The following CHIC1 variants were observed in gnomAD, a reference collection of about 807,000 sequenced individuals.
CHIC1 encodes the protein cysteine rich hydrophobic domain 1, also known as cysteine-rich hydrophobic domain-containing protein 1.
In CHIC1, 7 loss-of-function variants were observed where a neutral mutation model predicts 18.5. The ratio of observed to expected loss-of-function variants is 0.38; its 90% CI spans 0.22 to 0.71. CHIC1 has a LOEUF of 0.71. Ranked by LOEUF, CHIC1 falls within the 30% of genes least tolerant of loss-of-function variation. The pLI is 0.49. For synonymous variants in CHIC1, 77 were observed against 73.5 expected (o/e 1.05, Z -0.25); for missense variants, 159 against 176.9 (o/e 0.90, Z 0.57).
intron 1 of CHIC1, among the ~76,000 whole-genome samples, chrX:73,573,541 TCCAA>T (rs2057481354): frequency 9.0e-6 from 1 of 111,666 alleles, no homozygotes; most frequent in Admixed American, 9.5e-5. Flanking sequence ...TGTTGATTCT[TCCAA>T]TCCGTAAGCG....
At chrX:73,667,675 G>A (rs1188446856) in intron 3 of CHIC1, among the ~76,000 whole-genome samples, 4 of 111,214 alleles carry the variant, frequency 3.6e-5, no homozygotes, top group Non-Finnish European at 7.5e-5. Flanking sequence ...TTGAATATTG[G>A]CCCCTGATTT....
At chrX:73,598,144 G>A (rs2057620567) in intron 3 of CHIC1, among the ~76,000 whole-genome samples, 1 of 110,619 alleles carries the variant, frequency 9.0e-6, no homozygotes, top group African/African-American at 3.3e-5. Flanking sequence ...CCAGTAATGG[G>A]ATCGCTGGGT....
At position 73,607,272 on chromosome X, in the gene CHIC1, T is replaced by C. The variant is rs958239434; in HGVS notation, c.507+22700T>C. On this transcript the variant is annotated intron_variant, in intron 3 of 5. Transcript: ENST00000373502. ...GAGTTCAAATTTCCTGGCAGGTTTG[T>C]TTACGCTGTGAGGGTAAAACTGTCT... Among the ~76,000 whole-genome samples, 10 of 108,337 alleles carry C rather than the reference T, an allele frequency of 9.2e-5. 1 individual carries two copies. Among genetic ancestry groups the C allele is most frequent in the African/African-American group, 3.6e-4 (10 of 27,817 alleles). 94.1% of individuals were successfully genotyped at this position (108,337 alleles called of 115,157 possible). A position where few individuals can be genotyped will look rare whatever the true frequency, so the allele number is the denominator to read the frequency against.
Position 73,684,647 on chromosome X carries a change from A to C in CHIC1, c.*3642A>C, listed in dbSNP as rs1178673860. The C allele has an allele frequency of 9.0e-6, 1 of 111,533 alleles. No homozygotes were observed. Among genetic ancestry groups the C allele is most frequent in the Non-Finnish European group, 1.9e-5 (1 of 52,895 alleles). 9.2% of individuals were successfully genotyped at this position (111,533 alleles called of 1,213,427 possible). ...TTTGCTAATTTGATTATAAGTGCTC[A>C]AATTTATTGAAATTAGATTCTCATG... On this transcript the variant is annotated 3_prime_UTR_variant, in exon 6 of 6. Transcript: ENST00000373502.
At chrX:73,679,250 C>G in intron 3 of CHIC1, 76 bp from the exon 4 acceptor site, 1 of 623,862 alleles carries the variant, frequency 1.6e-6, no homozygotes, top group South Asian at 2.7e-5. Context: ...TACAAGTAGG[C>G]AGAAAAATAT....
At chrX:73,659,817 C>G (rs1460568682) in intron 3 of CHIC1, among the ~76,000 whole-genome samples, 1 of 111,363 alleles carries the variant, frequency 9.0e-6, no homozygotes, top group Non-Finnish European at 1.9e-5. Context: ...CTAAGATGTC[C>G]CAGGCACCAT....
Position 73,563,523 on chromosome X carries a change from A to C in CHIC1, c.239A>C (p.His80Pro). 1 of 1,152,233 alleles carries C rather than the reference A, an allele frequency of 8.7e-7. No individual in the cohort carries two copies. Among genetic ancestry groups the C allele is most frequent in the Non-Finnish European group, 1.2e-6 (1 of 864,839 alleles). The allele number at this position is 1,152,233 out of a possible 1,213,427, so 95.0% of individuals were successfully genotyped here. The change falls in exon 1 of 6, where the codon CAT becomes CCT. Residue 80 changes from histidine to proline, a missense_variant. Coordinates refer to ENST00000373502, the MANE Select transcript of CHIC1 (RefSeq NM_001039840.4). ...PPPPRVVSEE[H>P]LRRYAPDPVL... ...CCGCCTCGGGTAGTGAGCGAGGAGC[A>C]TCTGCGGAGATATGCTCCCGACCCT...
rs2057580941 is a variant in CHIC1 at position 73,591,342 on chromosome X, C to G, written c.507+6770C>G. On this transcript the variant is annotated intron_variant, in intron 3 of 5. Transcript: ENST00000373502. ...GCTTAGTGGCCTCCAAATTCCCTCA[C>G]TCACCAATTTCTGGAGGAGACTCTA... Among the ~76,000 whole-genome samples, 5 of 110,364 alleles carry G rather than the reference C, an allele frequency of 4.5e-5. No homozygotes were observed. In the South Asian group the frequency reaches 2.0e-3, roughly 43 times the overall value.
chrX:73,674,767 C>G (rs1298076292), intron 3 of CHIC1, among the ~76,000 whole-genome samples: 1 of 110,097 alleles, frequency 9.1e-6, no homozygotes, highest in Non-Finnish European at 1.9e-5. Flanking sequence ...TATTTCTTGC[C>G]TTCTGCTAGC....
At chrX:73,581,241 TAG>T (rs1189462919) in intron 2 of CHIC1, among the ~76,000 whole-genome samples, 1 of 110,889 alleles carries the variant, frequency 9.0e-6, no homozygotes, top group Non-Finnish European at 1.9e-5. Flanking sequence ...GCGGTTTGCT[TAG>T]AGTTTCTTCT....
chrX:73,583,977 C>G (rs1273117122), intron 2 of CHIC1, among the ~76,000 whole-genome samples: 1 of 110,649 alleles, frequency 9.0e-6, no homozygotes, highest in African/African-American at 3.3e-5. Flanking sequence ...CAAAGTAATC[C>G]AGGAGTATTG....
At chrX:73,600,064 G>C (rs2057635819) in intron 3 of CHIC1, among the ~76,000 whole-genome samples, 2 of 102,713 alleles carry the variant, frequency 1.9e-5, no homozygotes, top group Non-Finnish European at 3.9e-5. Context: ...TTGTAAGTTG[G>C]ATTCCTAGGT....
chrX:73,615,399 G>A (rs897100081), intron 3 of CHIC1, among the ~76,000 whole-genome samples: 2 of 111,662 alleles, frequency 1.8e-5, no homozygotes, highest in African/African-American at 6.5e-5. Context: ...GGGGGTAGTG[G>A]ACGTGGCAAA....
chrX:73,636,616 C>G (rs886765621), intron 3 of CHIC1, among the ~76,000 whole-genome samples: 1 of 110,240 alleles, frequency 9.1e-6, no homozygotes, highest in Non-Finnish European at 1.9e-5. Flanking sequence ...CTACCATTTT[C>G]TGTTTAGTTC....
chrX:73,676,285 C>G (rs1290660400), intron 3 of CHIC1, among the ~76,000 whole-genome samples: 2 of 111,843 alleles, frequency 1.8e-5, no homozygotes, highest in African/African-American at 3.2e-5. Context: ...GCCTACCTTG[C>G]TAGATTGGAG....
chrX:73,581,537 T>G lies in CHIC1; in HGVS notation c.352-2880T>G, dbSNP rs1021955327. The stretch of plus-strand genomic sequence containing the variant: ...AATTGAGTTTACTAATTCTCACTTC[T>G]TATGTCTTTAGCTCTGTTTTATGAC... On this transcript the variant is annotated intron_variant, in intron 2 of 5. Coordinates refer to ENST00000373502, the MANE Select transcript of CHIC1 (RefSeq NM_001039840.4). 6.3e-5 allele frequency among the ~76,000 whole-genome samples: 7 copies of G among 111,087 alleles called. No homozygotes were observed. The Admixed American group carries it at 6.7e-4, about 11-fold the overall frequency.
chrX:73,572,895 G>T (rs768418585), intron 1 of CHIC1, among the ~76,000 whole-genome samples: 2 of 110,907 alleles, frequency 1.8e-5, no homozygotes, highest in Non-Finnish European at 3.8e-5. Context: ...CTCCCATTCT[G>T]TATGTTGTCT....
intron 3 of CHIC1, among the ~76,000 whole-genome samples, chrX:73,627,835 T>G (rs2057790582): frequency 9.0e-6 from 1 of 111,697 alleles, no homozygotes; most frequent in Admixed American, 9.5e-5. Context: ...AAGTCTTCTT[T>G]ACTTTGCCCT....
chrX:73,661,108 TG>T (rs2057977938), intron 3 of CHIC1, among the ~76,000 whole-genome samples: 2 of 111,707 alleles, frequency 1.8e-5, no homozygotes, highest in South Asian at 7.6e-4. Context: ...ATGTTCCATG[TG>T]TGACAAAATT....
Sources: gnomAD v4.1 joint callset for allele counts (sites outside exome capture counted in the v4.1 genomes callset) on GRCh38, gnomAD v4.1.1 for gene constraint, MANE v1.5 for transcripts, NCBI Gene and HGNC (gene_info 2026-07-23, HGNC 2026-07-21) for gene names.